The following DTNB variants were observed in gnomAD, a reference collection of about 807,000 sequenced individuals.
DTNB encodes the protein dystrobrevin beta.
Under a neutral mutation model 90.7 loss-of-function variants are expected in DTNB, and 63 were observed. That is an observed-to-expected ratio of 0.69 (90% CI 0.57 to 0.86). DTNB has a LOEUF of 0.86. Ranked by LOEUF, DTNB falls within the 40% of genes least tolerant of loss-of-function variation. The probability of loss-of-function intolerance (pLI) is 0.00; values close to 1 mark genes in which losing one functional copy is unlikely to be tolerated. For synonymous variants in DTNB, 277 were observed against 286.7 expected, an observed-to-expected ratio of 0.97 and a Z score of 0.34; for missense variants, 744 against 807.1, an observed-to-expected ratio of 0.92 and a Z score of 0.95.
At chr2:25,610,393 T>A (rs886577342) in intron 4 of DTNB, among the ~76,000 whole-genome samples, 1 of 151,964 alleles carries the variant, frequency 6.6e-6, no homozygotes, top group Non-Finnish European at 1.5e-5. Context: ...AGAGAGTATA[T>A]GTGCCAGGAA....
chr2:25,494,495 G>A (rs2068349842), intron 9 of DTNB, among the ~76,000 whole-genome samples: 1 of 148,962 alleles, frequency 6.7e-6, no homozygotes, highest in South Asian at 2.2e-4. Flanking sequence ...GGGAGTGCGG[G>A]GGTGGTTGGG....
At chr2:25,418,568 GC>G (rs997444598) in intron 16 of DTNB, among the ~76,000 whole-genome samples, 14 of 151,860 alleles carry the variant, frequency 9.2e-5, no homozygotes, top group Non-Finnish European at 1.8e-4. Flanking sequence ...GTGTGGTGGT[GC>G]GTGACTGTAG....
intron 15 of DTNB, among the ~76,000 whole-genome samples, chr2:25,427,243 A>C (rs2052097183): frequency 6.6e-6 from 1 of 151,342 alleles, no homozygotes; most frequent in Admixed American, 6.6e-5. Context: ...GTAGTTGAGA[A>C]ATATTATTCA....
intron 18 of DTNB, among the ~76,000 whole-genome samples, chr2:25,384,770 G>T (rs2038978798): frequency 6.6e-6 from 1 of 152,188 alleles, no homozygotes; most frequent in Non-Finnish European, 1.5e-5. Flanking sequence ...AGTTTCCAGT[G>T]ATTAGAGTTG....
chr2:25,613,588 GACA>G (rs2069263419), intron 4 of DTNB, among the ~76,000 whole-genome samples: 2 of 150,274 alleles, frequency 1.3e-5, no homozygotes, highest in South Asian at 4.2e-4. Flanking sequence ...TACAATAAAA[GACA>G]ACAAGTCAGT....
chr2:25,607,449 A>G, intron 4 of DTNB, 128 bp from the exon 5 acceptor site: 1 of 888,454 alleles, frequency 1.1e-6, no homozygotes, highest in Admixed American at 3.2e-5. Context: ...TACCACATTT[A>G]GAAACCCTGG....
chr2:25,397,631 G>A (rs1486486484), intron 16 of DTNB, among the ~76,000 whole-genome samples: 1 of 152,082 alleles, frequency 6.6e-6, no homozygotes, highest in Non-Finnish European at 1.5e-5. Context: ...TGTAATCCCA[G>A]CACTTTGGGA....
At chr2:25,522,854 C>T (rs191196303) in intron 9 of DTNB, among the ~76,000 whole-genome samples, 68 of 152,064 alleles carry the variant, frequency 4.5e-4, no homozygotes, top group Admixed American at 2.5e-3. Flanking sequence ...GGGCCTACCA[C>T]GACGCCCAGT....
chr2:25,541,426 G>A (rs577918365), intron 8 of DTNB, among the ~76,000 whole-genome samples: 1 of 152,212 alleles, frequency 6.6e-6, no homozygotes, highest in Non-Finnish European at 1.5e-5. Flanking sequence ...AAGTTGCAGT[G>A]AGCTGAGATC....
At chr2:25,510,289 C>G (rs1225787403) in intron 9 of DTNB, among the ~76,000 whole-genome samples, 1 of 150,186 alleles carries the variant, frequency 6.7e-6, no homozygotes, top group Non-Finnish European at 1.5e-5. Context: ...TTTTTATATT[C>G]TTTTGTTTCT....
chr2:25,387,523 TC>T lies in DTNB; in HGVS notation c.1736-146del. 1.5e-6 allele frequency: 1 copy of T among 667,928 alleles called. No individual in the cohort carries two copies. Among genetic ancestry groups the T allele is most frequent in the Non-Finnish European group, 2.5e-6 (1 of 400,170 alleles). 41.4% of individuals were successfully genotyped at this position (667,928 alleles called of 1,614,324 possible). On this transcript the variant is annotated intron_variant, in intron 17 of 20. Coordinates refer to ENST00000406818, the MANE Select transcript of DTNB (RefSeq NM_021907.5). The surrounding 1 kb of genome is among the most constrained non-coding windows in gnomAD (Gnocchi z 4.5). ...ATGGGGCCACAGCAGCTCCACCCAT[TC>T]CCAGGCACACCGGGGGCAGGAGGCA...
At chr2:25,483,058 G>T (rs984964708) in intron 9 of DTNB, among the ~76,000 whole-genome samples, 185 bp from the exon 10 acceptor site, 8 of 151,898 alleles carry the variant, frequency 5.3e-5, no homozygotes, top group Admixed American at 3.3e-4. Flanking sequence ...CCCATGGAGG[G>T]GGGGAACCCT....
At chr2:25,583,113 G>A (rs775757050) in intron 6 of DTNB, among the ~76,000 whole-genome samples, 1 of 151,876 alleles carries the variant, frequency 6.6e-6, no homozygotes, top group Non-Finnish European at 1.5e-5. Flanking sequence ...TGGGTGTGGT[G>A]GCGGGTGCCT....
rs199563068 is a variant in DTNB at position 25,437,436 on chromosome 2, G to A, written c.1258-3441C>T. Among the ~76,000 whole-genome samples the A allele has an allele frequency of 1.3e-4, 20 of 151,978 alleles. No homozygotes were observed. In the East Asian group the frequency reaches 3.7e-3, roughly 28 times the overall value. On this transcript the variant is annotated intron_variant, in intron 12 of 20. Transcript: ENST00000406818. The stretch of plus-strand genomic sequence containing the variant: ...GCCACCATGCCTGGCTAATTTTTGT[G>A]TTTTAAGTAGGGACAGGGTTTCACC...
Position 25,387,097 on chromosome 2 carries a change from C to T in DTNB, c.1825+192G>A. On this transcript the variant is annotated intron_variant, in intron 18 of 20. Coordinates refer to ENST00000406818, the MANE Select transcript of DTNB (RefSeq NM_021907.5). This position sits in a 1 kb window ranked among gnomAD's most constrained non-coding sequence, Gnocchi z 4.5. ...GAGATAGGCCTGAATGTGAAACCGC[C>T]CCTACGCGATCCTGTGTGACAGAGG... 1 of 555,572 alleles carries T rather than the reference C, an allele frequency of 1.8e-6. No individual in the cohort carries two copies. The highest frequency in any genetic ancestry group is 2.4e-5 in the South Asian group (1 of 40,884). 34.4% of individuals were successfully genotyped at this position (555,572 alleles called of 1,614,324 possible). A position where few individuals can be genotyped will look rare whatever the true frequency, so the allele number is the denominator to read the frequency against.
In DTNB at chr2:25,389,590, T is replaced by A. The variant is rs374937655; in HGVS notation, c.1576-1229A>T. ...TGTAGCTCTTCAGCACAACGGGAAC[T>A]GAGTGTGGAAGGTGGACTAGGGTTT... On this transcript the variant is annotated intron_variant, in intron 16 of 20. Transcript: ENST00000406818. Among the ~76,000 whole-genome samples, 3 of 152,184 alleles carry A rather than the reference T, an allele frequency of 2.0e-5. No homozygotes were observed. The East Asian group carries it at 5.8e-4, about 29-fold the overall frequency.
intron 10 of DTNB, chr2:25,481,541 T>C (rs1045449089): frequency 1.3e-5 from 2 of 152,224 alleles, no homozygotes; most frequent in Non-Finnish European, 2.9e-5. Flanking sequence ...CCAGAAGCAG[T>C]GGCCTGACTC....
intron 10 of DTNB, among the ~76,000 whole-genome samples, chr2:25,482,536 C>A (rs1474068348): frequency 6.6e-6 from 1 of 152,090 alleles, no homozygotes; most frequent in Non-Finnish European, 1.5e-5. Context: ...GACACTGCCA[C>A]CACTGCTTGT....
At chr2:25,379,695 G>C (rs974854671) in intron 19 of DTNB, 16 of 226,232 alleles carry the variant, frequency 7.1e-5, no homozygotes, top group Non-Finnish European at 1.1e-4. Context: ...TCCTGCAGAT[G>C]GTCTGCTTTG....
Sources: gnomAD v4.1 joint callset for allele counts (sites outside exome capture counted in the v4.1 genomes callset) on GRCh38, gnomAD v4.1.1 for gene constraint, Gnocchi (gnomAD v3.1) non-coding constraint, MANE v1.5 for transcripts, NCBI Gene and HGNC (gene_info 2026-07-23, HGNC 2026-07-21) for gene names.